CECR2: variants seen among roughly 807,000 people sequenced by gnomAD.
The protein encoded by CECR2 is CECR2 histone acetyl-lysine reader, also known as chromatin remodeling regulator CECR2.
Under a neutral mutation model 154.5 loss-of-function variants are expected in CECR2, and 30 were observed. The observed-to-expected ratio is 0.19, with a 90% CI of 0.15 to 0.26. The LOEUF (loss-of-function observed/expected upper bound fraction) is 0.26. Among genes scored for constraint, CECR2 ranks in the 10% least tolerant of loss-of-function variants. The pLI, the probability that CECR2 is intolerant of heterozygous loss-of-function variation, is 1.00. For synonymous variants in CECR2, 725 were observed against 683.7 expected, an observed-to-expected ratio of 1.06 and a Z score of -0.94; for missense variants, 1,743 against 1,829.3, an observed-to-expected ratio of 0.95 and a Z score of 0.86.
chr22:17,426,824 GTT>G (rs112460340), intron 1 of CECR2, among the ~76,000 whole-genome samples: 4 of 151,942 alleles, frequency 2.6e-5, no homozygotes, highest in African/African-American at 9.7e-5. Flanking sequence ...TAAATTGGTG[GTT>G]AAATTTGATC....
Position 17,497,446 on chromosome 22 carries a change from C to T in CECR2, c.265C>T (p.Arg89Cys), listed in dbSNP as rs774359092. The change falls in exon 3 of 19, where the codon CGC (arginine) becomes TGC (cysteine). Residue 89 changes from arginine to cysteine, a missense_variant. Physicochemically the swap from Arg to Cys is radical, Grantham distance 180. Coordinates refer to ENST00000262608, the MANE Select transcript of CECR2 (RefSeq NM_001290047.2). ...HSYLEDIINYRWELEEGKPNP... is the reference protein window; with the variant it reads ...HSYLEDIINYCWELEEGKPNP... The stretch of plus-strand genomic sequence containing the variant: ...CTACCTAGAGGACATCATCAACTAC[C>T]GCTGGGAGCTCGAAGAAGGGAAGCC... 3 of 1,613,894 alleles carry T rather than the reference C, an allele frequency of 1.9e-6. No homozygotes were observed. The highest frequency in any genetic ancestry group is 1.7e-5 in the Admixed American group (1 of 59,996).
upstream of CECR2, among the ~76,000 whole-genome samples, chr22:17,366,008 C>T (rs980243959): frequency 4.6e-5 from 7 of 151,844 alleles, no homozygotes; most frequent in African/African-American, 1.5e-4. Flanking sequence ...AAAAACCAAA[C>T]GAATTATTGT....
chr22:17,428,560 A>G (rs2054366910), intron 1 of CECR2: 1 of 152,136 alleles, frequency 6.6e-6, no homozygotes, highest in South Asian at 2.1e-4. Flanking sequence ...AAGCATGATT[A>G]TTTCCCCCCA....
At chr22:17,501,138 G>T (rs1001703053) in intron 5 of CECR2, among the ~76,000 whole-genome samples, 1 of 152,160 alleles carries the variant, frequency 6.6e-6, no homozygotes, top group African/African-American at 2.4e-5. Flanking sequence ...GACCTATGCT[G>T]TGTAAATACA....
intron 17 of CECR2, among the ~76,000 whole-genome samples, chr22:17,550,668 C>T (rs1046965354): frequency 3.9e-5 from 6 of 152,266 alleles, no homozygotes; most frequent in East Asian, 1.9e-4. Context: ...AGCGGCCAGG[C>T]GCGGTGGCTC....
At chr22:17,413,747 G>C (rs1159330743) in intron 1 of CECR2, among the ~76,000 whole-genome samples, 2 of 151,814 alleles carry the variant, frequency 1.3e-5, no homozygotes, top group Admixed American at 6.6e-5. Context: ...CGCGATCTCA[G>C]CTCACTGCAA....
intron 2 of CECR2, among the ~76,000 whole-genome samples, chr22:17,495,347 TCA>T (rs1428848214): frequency 6.6e-6 from 1 of 151,956 alleles, no homozygotes; most frequent in Non-Finnish European, 1.5e-5. Flanking sequence ...GGCAAGCGGA[TCA>T]CCTGAGGTCA....
chr22:17,497,687 T>C, intron 3 of CECR2, 101 bp downstream of exon 3: 1 of 1,167,106 alleles, frequency 8.6e-7, no homozygotes. Context: ...AGAGTTTGGC[T>C]TGTGGTACTA....
intron 1 of CECR2, among the ~76,000 whole-genome samples, chr22:17,383,123 G>T (rs1248522755): frequency 1.3e-5 from 2 of 152,126 alleles, no homozygotes; most frequent in African/African-American, 4.8e-5. Flanking sequence ...CTGCTCAGAG[G>T]CTGAGGCAGG....
intron 8 of CECR2, chr22:17,518,685 T>C (rs2056103676): frequency 2.2e-6 from 1 of 446,176 alleles, no homozygotes; most frequent in Non-Finnish European, 4.5e-6. Context: ...ATTGATGAAT[T>C]ACTGTTTGCA....
intron 1 of CECR2, among the ~76,000 whole-genome samples, chr22:17,383,619 C>T (rs1461017389): frequency 6.7e-6 from 1 of 149,576 alleles, no homozygotes; most frequent in Non-Finnish European, 1.5e-5. Context: ...CCAGTTTCAT[C>T]ATGAGGTTGC....
intron 1 of CECR2, among the ~76,000 whole-genome samples, chr22:17,412,510 G>A (rs1053902644): frequency 1.3e-5 from 2 of 152,068 alleles, no homozygotes; most frequent in African/African-American, 2.4e-5. Context: ...TAATTCGATA[G>A]CATTTGCTGA....
In CECR2 at chr22:17,553,634, G is replaced by GA. The variant is rs1443894419; in HGVS notation, c.*795dup. ...CATTGGAGGCAGACTGCTCTCAGGA[G>GA]ACTACTAGAAGCTTCAGCCCGGAAG... is the stretch of plus-strand genomic sequence containing the variant. On this transcript the variant is annotated 3_prime_UTR_variant, in exon 19 of 19. Transcript: ENST00000262608. 2.0e-5 allele frequency: 3 copies of GA among 152,228 alleles called. No individual in the cohort carries two copies. The highest frequency in any genetic ancestry group is 2.4e-5 in the African/African-American group (1 of 41,462). The allele number at this position is 152,228 out of a possible 1,614,324, so 9.4% of individuals were successfully genotyped here. A position where few individuals can be genotyped will look rare whatever the true frequency, so the allele number is the denominator to read the frequency against.
chr22:17,465,221 C>T (rs562734646), intron 1 of CECR2, among the ~76,000 whole-genome samples: 4 of 152,116 alleles, frequency 2.6e-5, no homozygotes, highest in African/African-American at 9.7e-5. Context: ...TGGTCTTGAT[C>T]TCCTGACCTC....
chr22:17,492,473 C>G (rs187137242), intron 2 of CECR2, among the ~76,000 whole-genome samples: 28 of 152,288 alleles, frequency 1.8e-4, no homozygotes, highest in African/African-American at 5.8e-4. Context: ...CATGTTCTGT[C>G]TGGAGCAAGC....
chr22:17,538,818 ATT>A (rs1052353859), intron 12 of CECR2, 87 bp downstream of exon 12: 1 of 1,307,498 alleles, frequency 7.6e-7, no homozygotes, highest in African/African-American at 1.5e-5. Context: ...ATATATATAT[ATT>A]TTGATACGTT....
intron 1 of CECR2, among the ~76,000 whole-genome samples, chr22:17,457,069 C>T (rs1466825638): frequency 1.3e-5 from 2 of 152,242 alleles, no homozygotes; most frequent in Non-Finnish European, 2.9e-5. Context: ...TCTTGTTGCC[C>T]AGGCTGGAGT....
At chr22:17,470,569 A>G (rs976475358) in intron 1 of CECR2, among the ~76,000 whole-genome samples, 10 of 151,912 alleles carry the variant, frequency 6.6e-5, no homozygotes, top group African/African-American at 2.2e-4. Context: ...CCTACCTTTT[A>G]TCTCCCCTAT....
intron 1 of CECR2, among the ~76,000 whole-genome samples, chr22:17,432,912 C>G (rs1045662501): frequency 1.1e-4 from 16 of 152,186 alleles, no homozygotes; most frequent in African/African-American, 3.9e-4. Flanking sequence ...TTAACAGAGA[C>G]TTGTTCATGT....
Sources: allele counts gnomAD v4.1 joint callset (sites outside exome capture counted in the v4.1 genomes callset), GRCh38; gene constraint gnomAD v4.1.1; transcripts MANE v1.5; gene names NCBI Gene and HGNC (gene_info 2026-07-23, HGNC 2026-07-21).